The following CDH5 variants were observed in gnomAD, a reference collection of about 807,000 sequenced individuals.
CDH5 encodes cadherin-5.
Under a neutral mutation model 62.0 loss-of-function variants are expected in CDH5, and 28 were observed. The ratio of observed to expected loss-of-function variants is 0.45; its 90% CI spans 0.33 to 0.62. The LOEUF (loss-of-function observed/expected upper bound fraction) is 0.62. Among genes scored for constraint, CDH5 ranks in the 20% least tolerant of loss-of-function variants. The pLI, the probability that CDH5 is intolerant of heterozygous loss-of-function variation, is 0.02. For synonymous variants in CDH5, 464 were observed against 445.8 expected (o/e 1.04, Z -0.52); for missense variants, 940 against 1,065.1 (o/e 0.88, Z 1.63).
intron 10 of CDH5, among the ~76,000 whole-genome samples, chr16:66,399,373 T>C (rs993813438): frequency 2.0e-5 from 3 of 152,230 alleles, no homozygotes; most frequent in Admixed American, 2.0e-4. Context: ...AGAGTGATCC[T>C]TCACCTAGCA....
At chr16:66,398,408 C>T (rs748212631) in intron 9 of CDH5, 48 bp from the exon 10 acceptor site, 14 of 478,530 alleles carry the variant, frequency 2.9e-5, no homozygotes, top group African/African-American at 1.2e-4. Context: ...CAGACCACCC[C>T]ACCACCCCAC....
chr16:66,391,537 C>T (rs557193224), intron 6 of CDH5, among the ~76,000 whole-genome samples: 11 of 152,194 alleles, frequency 7.2e-5, no homozygotes, highest in African/African-American at 2.4e-4. Context: ...CTTTGTGAGG[C>T]CGAGGCAGGT....
At chr16:66,381,929 C>A (rs556237177) in intron 2 of CDH5, among the ~76,000 whole-genome samples, 1 of 152,240 alleles carries the variant, frequency 6.6e-6, no homozygotes, top group Non-Finnish European at 1.5e-5. Flanking sequence ...ACAGTTTACC[C>A]ATCCTGGTCT....
At chr16:66,398,657 A>C in intron 10 of CDH5, 96 bp downstream of exon 10, 1 of 671,906 alleles carries the variant, frequency 1.5e-6, no homozygotes. Context: ...GCTTGAGCCC[A>C]GGAGTTTGAG....
At chr16:66,388,260 T>C in intron 3 of CDH5, 64 bp from the exon 4 acceptor site, 1 of 1,011,460 alleles carries the variant, frequency 9.9e-7, no homozygotes, top group Admixed American at 1.7e-5. Context: ...TCTGCTCTGT[T>C]CCAGGAATGG....
At chr16:66,396,008 T>C in intron 7 of CDH5, 51 bp from the exon 8 acceptor site, 1 of 1,588,028 alleles carries the variant, frequency 6.3e-7, no homozygotes, top group African/African-American at 1.4e-5. Context: ...CTGAGGAGTG[T>C]AGACTCAGCA....
intron 1 of CDH5, among the ~76,000 whole-genome samples, chr16:66,373,613 C>T (rs1960732478): frequency 6.6e-6 from 1 of 152,006 alleles, no homozygotes; most frequent in South Asian, 2.1e-4. Flanking sequence ...GACAGGATTT[C>T]ACCATGTTTC....
intron 1 of CDH5, chr16:66,376,234 G>A (rs1596928072): frequency 6.6e-6 from 1 of 152,162 alleles, no homozygotes; most frequent in African/African-American, 2.4e-5. Context: ...GGCTTGTGCT[G>A]TGACGTCACA....
rs1277473882 is a variant in CDH5, at chr16:66,402,759, G to A, written c.1945G>A (p.Gly649Ser). 1.9e-6 allele frequency: 3 copies of A among 1,608,408 alleles called. No homozygotes were observed. Among genetic ancestry groups the A allele is most frequent in the Non-Finnish European group, 2.5e-6 (3 of 1,178,378 alleles). ...GCAGCTGGTCACCTACGACGAGGAG[G>A]GCGGCGGCGAGATGGACACCACCAG... Reference protein sequence around the residue: ...HEQLVTYDEEGGGEMDTTSYD... With the variant: ...HEQLVTYDEESGGEMDTTSYD... The change falls in exon 12 of 12, where the codon GGC becomes AGC. Residue 649 changes from glycine to serine, a missense_variant. Coordinates refer to ENST00000341529, the MANE Select transcript of CDH5 (RefSeq NM_001795.5).
Position 66,384,661 on chromosome 16 carries a change from C to CAAAAA in CDH5, c.211-2132_211-2128dup, listed in dbSNP as rs10630303. Among the ~76,000 whole-genome samples the CAAAAA allele has an allele frequency of 3.9e-4, 40 of 101,454 alleles. 5 individuals are homozygous for CAAAAA. The highest frequency in any genetic ancestry group is 6.0e-4 in the African/African-American group (15 of 25,150). The allele number at this position is 101,454 out of a possible 152,430, so 66.6% of individuals were successfully genotyped here. A position where few individuals can be genotyped will look rare whatever the true frequency, so the allele number is the denominator to read the frequency against. On this transcript the variant is annotated intron_variant, in intron 2 of 11. Coordinates refer to ENST00000341529, the MANE Select transcript of CDH5 (RefSeq NM_001795.5). ...CCCAGCTACTCCGGAGTACCTGTCT[C>CAAAAA]AAAAAAAAAAAAAAAAAAAAGAGGC... is the stretch of plus-strand genomic sequence containing the variant.
At chr16:66,371,660 GC>G (rs937804522) in intron 1 of CDH5, among the ~76,000 whole-genome samples, 1 of 152,164 alleles carries the variant, frequency 6.6e-6, no homozygotes, top group Non-Finnish European at 1.5e-5. Context: ...CACCCCTGAG[GC>G]CCTCCAGCCT....
Position 66,367,255 on chromosome 16 carries a change from A to G in CDH5, c.-20+497A>G, listed in dbSNP as rs555836647. ...GATCTGGGGAGGGGCCCTGAAAAGG[A>G]AGCTCCGAGCCTTGGCCCCTCTCGG... On this transcript the variant is annotated intron_variant, in intron 1 of 11. Coordinates refer to ENST00000341529, the MANE Select transcript of CDH5 (RefSeq NM_001795.5). 1.8e-3 allele frequency among the ~76,000 whole-genome samples: 268 copies of G among 152,312 alleles called. 2 individuals are homozygous for G. The highest frequency in any genetic ancestry group is 6.2e-3 in the African/African-American group (258 of 41,568).
chr16:66,402,507 G>T (rs1424308177), intron 11 of CDH5, 145 bp from the exon 12 acceptor site: 2 of 647,490 alleles, frequency 3.1e-6, no homozygotes, highest in Non-Finnish European at 5.0e-6. Flanking sequence ...AAAGGATGGG[G>T]TTGCAGGGGA....
chr16:66,399,695 C>T (rs967683811), intron 10 of CDH5, among the ~76,000 whole-genome samples: 1 of 152,128 alleles, frequency 6.6e-6, no homozygotes, highest in Non-Finnish European at 1.5e-5. Context: ...TGGGGATCTG[C>T]AATACAGTAG....
At chr16:66,378,053 C>T (rs575252224) in intron 1 of CDH5, among the ~76,000 whole-genome samples, 173 of 152,194 alleles carry the variant, frequency 1.1e-3, no homozygotes, top group Non-Finnish European at 1.9e-3. Context: ...AACCCAGACC[C>T]TCAACTCACC....
chr16:66,392,036 G>T, intron 6 of CDH5, 100 bp from the exon 7 acceptor site: 1 of 1,422,632 alleles, frequency 7.0e-7, no homozygotes, highest in Non-Finnish European at 9.7e-7. Context: ...TATAAAATGG[G>T]TGTCATCCTG....
At chr16:66,396,295 G>GT in intron 8 of CDH5, 94 bp downstream of exon 8, 1 of 1,485,048 alleles carries the variant, frequency 6.7e-7, no homozygotes, top group Non-Finnish European at 9.3e-7. Flanking sequence ...GTCTCTAGAC[G>GT]TATTAGAAGT....
intron 1 of CDH5, chr16:66,377,676 G>C (rs975646864): frequency 6.6e-6 from 1 of 152,302 alleles, no homozygotes. Flanking sequence ...TGTGAGTCCT[G>C]GTTCCCTCTC....
chr16:66,380,502 G>A (rs892284676), intron 2 of CDH5, among the ~76,000 whole-genome samples: 1 of 150,862 alleles, frequency 6.6e-6, no homozygotes, highest in Non-Finnish European at 1.5e-5. Context: ...CGATGATGGC[G>A]GTGATGATAA....
Sources: gnomAD v4.1 joint callset for allele counts (sites outside exome capture counted in the v4.1 genomes callset) on GRCh38, gnomAD v4.1.1 for gene constraint, MANE v1.5 for transcripts, NCBI Gene and HGNC (gene_info 2026-07-23, HGNC 2026-07-21) for gene names.